Variants in ITGAV observed in about 807,000 individuals in gnomAD.
The protein encoded by ITGAV is integrin subunit alpha V, also known as integrin alpha-V.
In ITGAV, 76 loss-of-function variants were observed where a neutral mutation model predicts 143.8. The ratio of observed to expected loss-of-function variants is 0.53; its 90% CI spans 0.44 to 0.64. ITGAV has a LOEUF of 0.64. Ranked by LOEUF, ITGAV falls within the 30% of genes least tolerant of loss-of-function variation. The pLI is 0.00. For missense variants in ITGAV, 1,193 were observed against 1,274.7 expected (o/e 0.94, Z 0.98); for synonymous variants, 453 against 446.7 (o/e 1.01, Z -0.18).
chr2:186,597,679 A>G (rs1686782861), intron 1 of ITGAV, among the ~76,000 whole-genome samples: 1 of 152,220 alleles, frequency 6.6e-6, no homozygotes, highest in Non-Finnish European at 1.5e-5. Context: ...GTTAGGGACC[A>G]TGCTGCACAT....
chr2:186,669,621 C>CT, intron 25 of ITGAV, 80 bp from the exon 26 acceptor site: 1 of 929,736 alleles, frequency 1.1e-6, no homozygotes, highest in Non-Finnish European at 1.7e-6. Context: ...TTAATCATAT[C>CT]TAAGAGTTTA....
chr2:186,618,943 A>G (rs529253323), intron 2 of ITGAV, among the ~76,000 whole-genome samples: 1 of 152,308 alleles, frequency 6.6e-6, no homozygotes, highest in Admixed American at 6.5e-5. Context: ...TCAAAGAGAC[A>G]TCTGTGTCCC....
At chr2:186,633,474 G>T (rs1409564125) in intron 6 of ITGAV, 100 bp downstream of exon 6, 9 of 581,640 alleles carry the variant, frequency 1.5e-5, no homozygotes, top group Non-Finnish European at 2.7e-5. Flanking sequence ...TTTAAAGAAA[G>T]AAATGGAAAT....
At chr2:186,647,654 C>T (rs1258213057) in intron 13 of ITGAV, among the ~76,000 whole-genome samples, 2 of 152,084 alleles carry the variant, frequency 1.3e-5, no homozygotes, top group African/African-American at 4.8e-5. Flanking sequence ...TAAAAAGAGA[C>T]TGAGAAAGGC....
chr2:186,651,990 C>G lies in ITGAV; in HGVS notation c.1406C>G (p.Pro469Arg). 6.2e-7 allele frequency: 1 copy of G among 1,603,020 alleles called. No homozygotes were observed. Among genetic ancestry groups the G allele is most frequent in the Non-Finnish European group, 8.5e-7 (1 of 1,171,656 alleles). Residue 469 changes from proline to arginine, a missense_variant, in exon 15 of 30, where the codon CCA (proline) becomes CGA (arginine). By Grantham distance (103) the Pro-to-Arg change is moderately radical. Coordinates refer to ENST00000261023, the MANE Select transcript of ITGAV (RefSeq NM_002210.5). Reference sequence around the variant, plus strand: ...TTTCCCTCCCCCGCTAGGGCCAGACCAGTTATCACTGTAAATGCTGGTCTT... The same window carrying G: ...TTTCCCTCCCCCGCTAGGGCCAGACGAGTTATCACTGTAAATGCTGGTCTT... ...VDRAILYRAR[P>R]VITVNAGLEV...
chr2:186,668,201 TATATA>T (rs1688958045), intron 24 of ITGAV, among the ~76,000 whole-genome samples: 1 of 17,678 alleles, frequency 5.7e-5, no homozygotes, highest in Non-Finnish European at 1.6e-4. Context: ...TATATATATA[TATATA>T]TATATATATA....
At chr2:186,668,199 TATATATATA>T (rs1688957309) in intron 24 of ITGAV, among the ~76,000 whole-genome samples, 1 of 17,892 alleles carries the variant, frequency 5.6e-5, no homozygotes, top group Non-Finnish European at 1.4e-4. Context: ...TATATATATA[TATATATATA>T]TATATATATT....
At chr2:186,591,484 G>T (rs1559034475) in intron 1 of ITGAV, among the ~76,000 whole-genome samples, 1 of 151,866 alleles carries the variant, frequency 6.6e-6, no homozygotes, top group Non-Finnish European at 1.5e-5. Context: ...CTGTTCTTAG[G>T]GTGCCTTCTA....
intron 14 of ITGAV, among the ~76,000 whole-genome samples, chr2:186,650,637 C>G (rs1574490873): frequency 6.6e-6 from 1 of 152,038 alleles, no homozygotes; most frequent in Admixed American, 6.5e-5. Context: ...CCTTTGCTTC[C>G]CAGGTCCTAG....
chr2:186,641,386 T>C lies in ITGAV; in HGVS notation c.957T>C (p.Asp319=), dbSNP rs1249852248. Residue 319 remains aspartate (D), a splice_region_variant and synonymous_variant, in exon 12 of 30, where the codon GAT becomes GAC. Coordinates refer to ENST00000261023, the MANE Select transcript of ITGAV (RefSeq NM_002210.5). ...SVAATDINGD[D]YADVFIGAPL... ...TGGTGAGAAGTTTCTGTTCTTCTAG[T>C]TATGCAGATGTGTTTATTGGAGCAC... 1 of 1,612,836 alleles carries C rather than the reference T, an allele frequency of 6.2e-7. No individual in the cohort carries two copies. The highest frequency in any genetic ancestry group is 1.7e-5 in the Admixed American group (1 of 59,964).
At position 186,676,878 on chromosome 2, in the gene ITGAV, T is replaced by G; in HGVS notation, c.2994T>G (p.Ile998Met). The change falls in exon 29 of 30, where the codon ATT becomes ATG. Residue 998 changes from isoleucine to methionine, a missense_variant. Transcript: ENST00000261023. ...TGCCTGTGCCTGTGTGGGTGATCAT[T>G]TTAGCAGTTCTAGCAGGATTGTTGC... ...APMPVPVWVI[I>M]LAVLAGLLLL... 6.2e-7 allele frequency: 1 copy of G among 1,614,106 alleles called. No homozygotes were observed. The highest frequency in any genetic ancestry group is 8.5e-7 in the Non-Finnish European group (1 of 1,179,970).
chr2:186,630,359 T>C (rs1336532479), intron 4 of ITGAV, among the ~76,000 whole-genome samples: 1 of 151,380 alleles, frequency 6.6e-6, no homozygotes, highest in African/African-American at 2.4e-5. Flanking sequence ...ACTATAGTTT[T>C]TCTAAAAAAA....
chr2:186,668,318 C>T (rs1485076225), intron 24 of ITGAV, among the ~76,000 whole-genome samples: 3 of 144,916 alleles, frequency 2.1e-5, no homozygotes, highest in Non-Finnish European at 3.0e-5. Flanking sequence ...CTCCACCTCC[C>T]GGGTTCAAGC....
At chr2:186,621,236 C>G (rs1183202276) in intron 2 of ITGAV, among the ~76,000 whole-genome samples, 1 of 152,120 alleles carries the variant, frequency 6.6e-6, no homozygotes, top group Admixed American at 6.5e-5. Flanking sequence ...TAGAAAATTT[C>G]AATTTCAGTA....
intron 2 of ITGAV, among the ~76,000 whole-genome samples, chr2:186,604,324 G>A (rs749631162): frequency 4.6e-4 from 69 of 151,636 alleles, no homozygotes; most frequent in Non-Finnish European, 5.2e-4. Flanking sequence ...TTCCTTATCG[G>A]CATATGAATT....
At chr2:186,666,328 T>C (rs1029063341) in intron 21 of ITGAV, among the ~76,000 whole-genome samples, 3 of 152,198 alleles carry the variant, frequency 2.0e-5, no homozygotes, top group African/African-American at 7.2e-5. Context: ...AACCATCCAT[T>C]TCTTCTTTCC....
intron 21 of ITGAV, among the ~76,000 whole-genome samples, chr2:186,665,895 A>G (rs540618130): frequency 2.0e-5 from 3 of 152,326 alleles, no homozygotes; most frequent in East Asian, 3.9e-4. Flanking sequence ...ATTACAAGTC[A>G]TTAGTATTTC....
At chr2:186,612,999 A>G (rs1687257605) in intron 2 of ITGAV, among the ~76,000 whole-genome samples, 2 of 152,164 alleles carry the variant, frequency 1.3e-5, no homozygotes, top group Admixed American at 1.3e-4. Context: ...CTTTACTACT[A>G]ACTGACTGAC....
chr2:186,657,742 T>C (rs1559063020), intron 17 of ITGAV, among the ~76,000 whole-genome samples: 3 of 152,092 alleles, frequency 2.0e-5, no homozygotes, highest in African/African-American at 7.2e-5. Flanking sequence ...GGCCAGTACA[T>C]AGGAAAACTT....
Sources: allele counts gnomAD v4.1 joint callset (sites outside exome capture counted in the v4.1 genomes callset), GRCh38; gene constraint gnomAD v4.1.1; transcripts MANE v1.5; gene names NCBI Gene and HGNC (gene_info 2026-07-23, HGNC 2026-07-21).